Variants in RBPJ observed in about 807,000 individuals in gnomAD.
The protein encoded by RBPJ is recombination signal binding protein for immunoglobulin kappa J region.
A neutral mutation model predicts 67.8 loss-of-function variants in RBPJ; 9 were observed. The ratio of observed to expected loss-of-function variants is 0.13; its 90% CI spans 0.08 to 0.23. The LOEUF is 0.23. Ranked by LOEUF, RBPJ falls within the 10% of genes least tolerant of loss-of-function variation. The pLI, the probability that RBPJ is intolerant of heterozygous loss-of-function variation, is 1.00. For synonymous variants in RBPJ, 198 were observed against 203.3 expected, an observed-to-expected ratio of 0.97 and a Z score of 0.22; for missense variants, 305 against 595.6, an observed-to-expected ratio of 0.51 and a Z score of 5.08.
intron 1 of RBPJ, among the ~76,000 whole-genome samples, chr4:26,283,598 G>A (rs1341256149): frequency 2.0e-5 from 3 of 151,696 alleles, no homozygotes; most frequent in Admixed American, 6.6e-5. Flanking sequence ...AGCAAAAGGG[G>A]CCTGAGGCTA....
At chr4:26,356,658 G>A (rs1727411726) in intron 1 of RBPJ, among the ~76,000 whole-genome samples, 1 of 151,910 alleles carries the variant, frequency 6.6e-6, no homozygotes, top group African/African-American at 2.4e-5. Context: ...TCATAATTTT[G>A]TGTAGTATTC....
At chr4:26,205,911 A>G (rs560620966) in intron 1 of RBPJ, among the ~76,000 whole-genome samples, 13 of 151,810 alleles carry the variant, frequency 8.6e-5, no homozygotes, top group South Asian at 6.2e-4. Flanking sequence ...TTTTTTAAGA[A>G]AAAAAAAACT....
chr4:26,337,485 G>A (rs1724976595), intron 1 of RBPJ, among the ~76,000 whole-genome samples: 1 of 151,076 alleles, frequency 6.6e-6, no homozygotes, highest in African/African-American at 2.4e-5. Flanking sequence ...ATCCACAGGT[G>A]TGGCTCCCCA....
At chr4:26,113,920 T>C in the RBPJ span, 2 of 154,540 alleles carry the variant, frequency 1.3e-5, no homozygotes, top group African/African-American at 2.4e-5. Context: ...CAGAAATTAC[T>C]AGAAAATGAC....
chr4:26,421,522 T>G (rs1227535904), intron 5 of RBPJ, among the ~76,000 whole-genome samples: 1 of 152,108 alleles, frequency 6.6e-6, no homozygotes, highest in Admixed American at 6.6e-5. Context: ...AGGCTGGTCT[T>G]GAACTCCTGA....
At chr4:26,274,718 A>G (rs1372515057) in intron 1 of RBPJ, among the ~76,000 whole-genome samples, 1 of 152,116 alleles carries the variant, frequency 6.6e-6, no homozygotes, top group African/African-American at 2.4e-5. Flanking sequence ...GGTGGATCAC[A>G]TGAGACCAGG....
rs1346531382 is a variant in RBPJ, at chr4:26,433,139, G to A, written c.*2132G>A. ...CCAATCACTCACTTCTCTCTTATAA[G>A]CTAATCCTGCCTCACACCTTAAATC... On this transcript the variant is annotated 3_prime_UTR_variant, in exon 11 of 11. Coordinates refer to ENST00000355476, the MANE Select transcript of RBPJ (RefSeq NM_015874.6). The A allele has an allele frequency of 1.3e-5, 2 of 152,102 alleles. No individual in the cohort carries two copies. The highest frequency in any genetic ancestry group is 2.9e-5 in the Non-Finnish European group (2 of 68,012). 9.4% of individuals were successfully genotyped at this position (152,102 alleles called of 1,614,324 possible).
At chr4:26,283,130 C>T (rs1213061812) in intron 1 of RBPJ, among the ~76,000 whole-genome samples, 2 of 148,616 alleles carry the variant, frequency 1.3e-5, no homozygotes, top group African/African-American at 4.9e-5. Flanking sequence ...AGGGTTTCAC[C>T]GTGTTAGCCA....
chr4:26,149,243 C>A, the RBPJ span, among the ~76,000 whole-genome samples: 3 of 152,178 alleles, frequency 2.0e-5, no homozygotes, highest in African/African-American at 7.2e-5. Flanking sequence ...AAATAACTCC[C>A]CAACTTCAAT....
chr4:26,295,424 G>A (rs758668327), intron 1 of RBPJ, among the ~76,000 whole-genome samples: 6 of 152,082 alleles, frequency 3.9e-5, no homozygotes, highest in Admixed American at 6.6e-5. Flanking sequence ...TAGTAGTAGT[G>A]GACATATTAG....
At chr4:26,124,558 G>A in the RBPJ span, among the ~76,000 whole-genome samples, 1 of 150,238 alleles carries the variant, frequency 6.7e-6, no homozygotes, top group African/African-American at 2.5e-5. Flanking sequence ...GAGTGTGCAA[G>A]CATCTTTTTC....
In RBPJ at chr4:26,432,147, G is replaced by A. The variant is rs959506551; in HGVS notation, c.*1140G>A. ...TTGTTGGCAAGTGACAAAAAATATG[G>A]GAAGTATTTGCTACCAGTTGGTAGA... is the stretch of plus-strand genomic sequence containing the variant. On this transcript the variant is annotated 3_prime_UTR_variant, in exon 11 of 11. Coordinates refer to ENST00000355476, the MANE Select transcript of RBPJ (RefSeq NM_015874.6). 1 of 152,160 alleles carries A rather than the reference G, an allele frequency of 6.6e-6. No homozygotes were observed. Among genetic ancestry groups the A allele is most frequent in the Non-Finnish European group, 1.5e-5 (1 of 68,024 alleles). The allele number at this position is 152,160 out of a possible 1,614,324, so 9.4% of individuals were successfully genotyped here.
the RBPJ span, among the ~76,000 whole-genome samples, chr4:26,151,101 C>T: frequency 5.3e-5 from 8 of 152,124 alleles, no homozygotes; most frequent in African/African-American, 1.4e-4. Context: ...GAGTGAAATA[C>T]GGAAATGATA....
chr4:26,398,906 C>T (rs568475025), intron 2 of RBPJ, among the ~76,000 whole-genome samples: 36 of 152,310 alleles, frequency 2.4e-4, no homozygotes, highest in African/African-American at 8.7e-4. Context: ...GCCACCTCGT[C>T]CAGCCCGTCT....
At chr4:26,239,284 G>A (rs1285675291) in intron 1 of RBPJ, among the ~76,000 whole-genome samples, 3 of 152,148 alleles carry the variant, frequency 2.0e-5, no homozygotes, top group Non-Finnish European at 2.9e-5. Context: ...GTCTGTATCC[G>A]CTGCCTGGAG....
chr4:26,376,293 T>TC (rs1577557840), intron 1 of RBPJ, among the ~76,000 whole-genome samples: 3 of 152,138 alleles, frequency 2.0e-5, no homozygotes, highest in East Asian at 1.9e-4. Context: ...CATTCTCCCT[T>TC]CCCCCCAGGT....
chr4:26,215,008 GA>G (rs1162569590), intron 1 of RBPJ, among the ~76,000 whole-genome samples: 2 of 60,104 alleles, frequency 3.3e-5, no homozygotes, highest in East Asian at 9.6e-4. Flanking sequence ...GGGAAGGAAG[GA>G]AGGAGAGAAA....
chr4:26,396,331 A>G (rs557951238), intron 2 of RBPJ, among the ~76,000 whole-genome samples: 1 of 152,356 alleles, frequency 6.6e-6, no homozygotes, highest in Admixed American at 6.5e-5. Flanking sequence ...GACCAGTCAC[A>G]TGTTTATAGG....
chr4:26,225,050 G>C (rs1719035897), intron 1 of RBPJ, among the ~76,000 whole-genome samples: 1 of 152,174 alleles, frequency 6.6e-6, no homozygotes, highest in Admixed American at 6.5e-5. Flanking sequence ...TGATGGCAGT[G>C]GACTTGTTGA....
Sources: gnomAD v4.1 joint callset for allele counts (sites outside exome capture counted in the v4.1 genomes callset) on GRCh38, gnomAD v4.1.1 for gene constraint, MANE v1.5 for transcripts, NCBI Gene and HGNC (gene_info 2026-07-23, HGNC 2026-07-21) for gene names.